RAPGEF2: variants seen among roughly 807,000 people sequenced by gnomAD.
RAPGEF2 encodes the protein Rap guanine nucleotide exchange factor 2.
A neutral mutation model predicts 186.7 loss-of-function variants in RAPGEF2; 54 were observed. That is an observed-to-expected ratio of 0.29 (90% CI 0.23 to 0.36). The LOEUF (loss-of-function observed/expected upper bound fraction) is 0.36, where lower values mean the gene tolerates loss of function less well. Among genes scored for constraint, RAPGEF2 ranks in the 10% least tolerant of loss-of-function variants. The pLI is 1.00. For missense variants in RAPGEF2, 1,532 were observed against 2,045.0 expected (o/e 0.75, Z 4.84); for synonymous variants, 712 against 705.9 (o/e 1.01, Z -0.14).
intron 7 of RAPGEF2, among the ~76,000 whole-genome samples, chr4:159,294,634 T>TCTTCCTTC (rs1207452261): frequency 0.088 from 11,710 of 132,682 alleles, 755 homozygotes; most frequent in East Asian, 0.27. Flanking sequence ...AGCTTCCATT[T>TCTTCCTTC]CTTCCTTCCT....
chr4:159,332,916 C>G, intron 17 of RAPGEF2: 1 of 359,364 alleles, frequency 2.8e-6, no homozygotes. Context: ...TTTAGCATTT[C>G]CTCATTTGAA....
At chr4:159,279,303 T>C (rs1759369820) in intron 7 of RAPGEF2, among the ~76,000 whole-genome samples, 1 of 152,214 alleles carries the variant, frequency 6.6e-6, no homozygotes, top group East Asian at 1.9e-4. Context: ...TGCAGATGCA[T>C]GCGCACGCAC....
At chr4:159,181,708 TG>T (rs1425318546) in intron 1 of RAPGEF2, among the ~76,000 whole-genome samples, 114 of 152,080 alleles carry the variant, frequency 7.5e-4, no homozygotes, top group African/African-American at 2.6e-3. Context: ...GCTAATTTTT[TG>T]TATTTTTAGT....
chr4:159,324,274 C>G (rs1006633344), intron 11 of RAPGEF2, among the ~76,000 whole-genome samples: 9 of 149,986 alleles, frequency 6.0e-5, no homozygotes, highest in African/African-American at 1.7e-4. Flanking sequence ...GTGATCCCCC[C>G]ACCTCAGCCT....
intron 7 of RAPGEF2, chr4:159,267,387 G>C: frequency 8.3e-7 from 1 of 1,203,782 alleles, no homozygotes; most frequent in Non-Finnish European, 1.1e-6. Context: ...TGCATGTGCT[G>C]TGTTTCTGTT....
intron 1 of RAPGEF2, among the ~76,000 whole-genome samples, chr4:159,167,965 A>G (rs566080192): frequency 1.3e-5 from 2 of 152,252 alleles, no homozygotes; most frequent in Non-Finnish European, 2.9e-5. Context: ...ATTAGGATCA[A>G]CTATGATGAA....
At chr4:159,121,207 T>C (rs1475853040) in intron 1 of RAPGEF2, among the ~76,000 whole-genome samples, 1 of 152,110 alleles carries the variant, frequency 6.6e-6, no homozygotes, top group Non-Finnish European at 1.5e-5. Context: ...TGATAAATGT[T>C]TAATGACTTG....
chr4:159,114,270 A>G (rs1738805591), intron 1 of RAPGEF2, among the ~76,000 whole-genome samples: 1 of 151,780 alleles, frequency 6.6e-6, no homozygotes, highest in Non-Finnish European at 1.5e-5. Context: ...TGCCCAGCTA[A>G]TTTTTGTATT....
chr4:159,173,966 A>G (rs746103286), intron 1 of RAPGEF2, among the ~76,000 whole-genome samples: 6 of 152,236 alleles, frequency 3.9e-5, no homozygotes, highest in Non-Finnish European at 7.3e-5. Flanking sequence ...TGCCTAAGAG[A>G]TGGCAATTCT....
At chr4:159,266,486 C>G (rs1386672842) in intron 7 of RAPGEF2, among the ~76,000 whole-genome samples, 1 of 151,966 alleles carries the variant, frequency 6.6e-6, no homozygotes, top group Non-Finnish European at 1.5e-5. Context: ...TTTCAAATAC[C>G]TACATATGTA....
chr4:159,261,459 T>C lies in RAPGEF2; in HGVS notation c.543+17668T>C, dbSNP rs371321767. Among the ~76,000 whole-genome samples, 105 of 152,368 alleles carry C rather than the reference T, an allele frequency of 6.9e-4. No homozygotes were observed. In the South Asian group the frequency reaches 0.021, roughly 31 times the overall value. On this transcript the variant is annotated intron_variant, in intron 7 of 29. Coordinates refer to ENST00000691494, the MANE Select transcript of RAPGEF2 (RefSeq NM_001394067.2). ...CTAATTATTAGGAAACTATTATGGTTAGCTGTAATCTGCCTCTCCATAATT... is the reference window on the plus strand; with the variant it reads ...CTAATTATTAGGAAACTATTATGGTCAGCTGTAATCTGCCTCTCCATAATT...
chr4:159,343,272 C>T lies in RAPGEF2; in HGVS notation c.3131-9C>T, dbSNP rs1230305198. 1 of 1,614,044 alleles carries T rather than the reference C, an allele frequency of 6.2e-7. No individual in the cohort carries two copies. The highest frequency in any genetic ancestry group is 1.7e-5 in the Admixed American group (1 of 60,022). ...ATGTGATTTCCTTTTCCTCCTCTGT[C>T]AATTTCAGGAAATGACTCAAAAGTA... On this transcript the variant is annotated splice_polypyrimidine_tract_variant and intron_variant, in intron 21 of 29. Transcript: ENST00000691494.
chr4:159,336,294 G>C (rs1043235837), intron 17 of RAPGEF2, among the ~76,000 whole-genome samples: 4 of 151,942 alleles, frequency 2.6e-5, no homozygotes, highest in Admixed American at 6.6e-5. Flanking sequence ...TGTACCTAAT[G>C]TGTAACTTTG....
At chr4:159,213,547 A>G (rs1170626628) in intron 4 of RAPGEF2, among the ~76,000 whole-genome samples, 8 of 152,158 alleles carry the variant, frequency 5.3e-5, no homozygotes, top group Admixed American at 5.2e-4. Context: ...TTGACACATG[A>G]TTTCATCCGG....
chr4:159,208,738 A>G (rs916252597), intron 3 of RAPGEF2, among the ~76,000 whole-genome samples: 7 of 152,200 alleles, frequency 4.6e-5, no homozygotes, highest in African/African-American at 1.7e-4. Context: ...GCAATTGACT[A>G]TGTGTGATAA....
At chr4:159,278,071 G>A (rs527967273) in intron 7 of RAPGEF2, among the ~76,000 whole-genome samples, 5 of 152,150 alleles carry the variant, frequency 3.3e-5, no homozygotes, top group Admixed American at 6.5e-5. Flanking sequence ...GGTTTTTATA[G>A]TTTTAGGTCT....
At chr4:159,330,146 C>T in intron 12 of RAPGEF2, 136 bp downstream of exon 12, 1 of 925,394 alleles carries the variant, frequency 1.1e-6, no homozygotes, top group South Asian at 1.8e-5. Context: ...TATGTATGAT[C>T]TCCTAGTGAA....
chr4:159,205,959 C>T (rs1182070704), intron 3 of RAPGEF2, among the ~76,000 whole-genome samples: 9 of 150,924 alleles, frequency 6.0e-5, no homozygotes, highest in East Asian at 1.9e-4. Context: ...GACAGAGTGT[C>T]GCCCTGTCAC....
intron 4 of RAPGEF2, among the ~76,000 whole-genome samples, chr4:159,223,949 A>G (rs1378548856): frequency 6.6e-6 from 1 of 151,742 alleles, no homozygotes; most frequent in Non-Finnish European, 1.5e-5. Context: ...CCCAGCCTGG[A>G]GTGCAGTGGT....
Sources: gnomAD v4.1 joint callset for allele counts (sites outside exome capture counted in the v4.1 genomes callset) on GRCh38, gnomAD v4.1.1 for gene constraint, MANE v1.5 for transcripts, NCBI Gene and HGNC (gene_info 2026-07-23, HGNC 2026-07-21) for gene names.